The following CNTNAP2 variants were observed in gnomAD, a reference collection of about 807,000 sequenced individuals.
CNTNAP2 encodes contactin associated protein 2.
CNTNAP2 carries 98 observed loss-of-function variants against 155.2 expected under a neutral mutation model. The ratio of observed to expected loss-of-function variants is 0.63; its 90% confidence interval spans 0.54 to 0.75. The LOEUF (loss-of-function observed/expected upper bound fraction) is 0.75. CNTNAP2 is among the 30% of genes least tolerant of loss of function. CNTNAP2 has a pLI of 0.00. For missense variants in CNTNAP2, 1,727 were observed against 1,688.1 expected (o/e 1.02, Z -0.40); for synonymous variants, 651 against 631.2 (o/e 1.03, Z -0.47).
At chr7:146,809,744 T>G (rs775664463) in intron 2 of CNTNAP2, among the ~76,000 whole-genome samples, 1 of 152,210 alleles carries the variant, frequency 6.6e-6, no homozygotes. Flanking sequence ...TCCTTATATA[T>G]TCTAGACATT....
At chr7:147,858,498 T>C (rs1237515229) in intron 13 of CNTNAP2, among the ~76,000 whole-genome samples, 1 of 152,228 alleles carries the variant, frequency 6.6e-6, no homozygotes, top group African/African-American at 2.4e-5. Flanking sequence ...GTTATTGAGA[T>C]GTTGTTTAAT....
intron 13 of CNTNAP2, 41 bp from the exon 14 acceptor site, chr7:147,903,524 C>A (rs760055875): frequency 1.2e-5 from 20 of 1,611,942 alleles, no homozygotes; most frequent in Non-Finnish European, 1.6e-5. Context: ...AATGACTGAA[C>A]CCAGGTCTGT....
chr7:146,334,289 G>C (rs1346573777), intron 1 of CNTNAP2, among the ~76,000 whole-genome samples: 1 of 152,110 alleles, frequency 6.6e-6, no homozygotes, highest in Non-Finnish European at 1.5e-5. Flanking sequence ...AAATGAGCTG[G>C]GCGTGGTGGC....
chr7:146,907,158 C>A (rs1706092131), intron 3 of CNTNAP2, among the ~76,000 whole-genome samples: 1 of 152,034 alleles, frequency 6.6e-6, no homozygotes, highest in South Asian at 2.1e-4. Context: ...TGTGAAAAGA[C>A]CAAATCTACG....
chr7:148,159,487 T>C (rs532812532), intron 17 of CNTNAP2, among the ~76,000 whole-genome samples: 49 of 152,346 alleles, frequency 3.2e-4, no homozygotes, highest in African/African-American at 1.1e-3. Flanking sequence ...AGTAGTTCTC[T>C]GAATACTATG....
At chr7:147,479,393 G>C (rs1798381671) in intron 10 of CNTNAP2, among the ~76,000 whole-genome samples, 1 of 152,134 alleles carries the variant, frequency 6.6e-6, no homozygotes, top group Non-Finnish European at 1.5e-5. Context: ...CTCAGAGTTT[G>C]TTTTAGAGTG....
chr7:148,111,017 T>A (rs73168590), intron 15 of CNTNAP2, among the ~76,000 whole-genome samples: 15 of 152,322 alleles, frequency 9.8e-5, no homozygotes, highest in Non-Finnish European at 1.6e-4. Context: ...TCACAGATAC[T>A]GACATTCGGA....
intron 14 of CNTNAP2, among the ~76,000 whole-genome samples, chr7:147,939,271 A>C (rs1800671366): frequency 6.6e-6 from 1 of 152,168 alleles, no homozygotes; most frequent in South Asian, 2.1e-4. Flanking sequence ...TAAATCTATG[A>C]GGTAAGAAGA....
At chr7:147,601,657 A>G (rs1800948982) in intron 12 of CNTNAP2, among the ~76,000 whole-genome samples, 1 of 138,918 alleles carries the variant, frequency 7.2e-6, no homozygotes, top group African/African-American at 2.6e-5. Flanking sequence ...ATATATATAT[A>G]TATATATATA....
At position 146,884,719 on chromosome 7, in the gene CNTNAP2, C is replaced by A. The variant is rs145240715; in HGVS notation, c.402+44815C>A. On this transcript the variant is annotated intron_variant, in intron 3 of 23. Transcript: ENST00000361727. ...CTTCGAGGAGAAAGCCCATGTCTAA[C>A]TGGGGCCAAAATGCTGATGAGCAGG... 2.4e-4 allele frequency among the ~76,000 whole-genome samples: 36 copies of A among 152,158 alleles called. No homozygotes were observed. The East Asian group carries it at 6.8e-3, about 29-fold the overall frequency.
chr7:146,851,248 G>A (rs1794872352), intron 3 of CNTNAP2, among the ~76,000 whole-genome samples: 1 of 152,120 alleles, frequency 6.6e-6, no homozygotes, highest in South Asian at 2.1e-4. Flanking sequence ...GCCTCCCAGA[G>A]TGCTGGAATT....
At chr7:147,461,437 GCAAT>G (rs67541875) in intron 10 of CNTNAP2, among the ~76,000 whole-genome samples, 27,009 of 151,990 alleles carry the variant, frequency 0.18, 3,039 homozygotes, top group Non-Finnish European at 0.25. Context: ...TTTCTGAAGG[GCAAT>G]CAGACGATTT....
intron 1 of CNTNAP2, among the ~76,000 whole-genome samples, chr7:146,760,409 C>CTTTTTTTTTTTTTTTTTTTTCT (rs1802074714): frequency 1.8e-5 from 1 of 56,276 alleles, no homozygotes; most frequent in Non-Finnish European, 3.0e-5. Flanking sequence ...TCCAATTTAC[C>CTTTTTTTTTTTTTTTTTTTTCT]TTTTTTTTTT....
intron 1 of CNTNAP2, among the ~76,000 whole-genome samples, chr7:146,305,781 A>G (rs1800700314): frequency 6.6e-6 from 1 of 152,168 alleles, no homozygotes; most frequent in Non-Finnish European, 1.5e-5. Flanking sequence ...CTAAATGCCC[A>G]CAAGAGAAAG....
intron 12 of CNTNAP2, among the ~76,000 whole-genome samples, chr7:147,581,240 A>C (rs923987242): frequency 6.6e-6 from 1 of 152,210 alleles, no homozygotes; most frequent in Non-Finnish European, 1.5e-5. Flanking sequence ...CTAGAGGTAT[A>C]AGATACTGTA....
intron 8 of CNTNAP2, among the ~76,000 whole-genome samples, chr7:147,231,251 C>T (rs959906286): frequency 1.3e-5 from 2 of 152,206 alleles, no homozygotes; most frequent in Non-Finnish European, 2.9e-5. Context: ...CATGTTGTCA[C>T]ATATGGCAGT....
At chr7:148,212,105 C>T (rs561592364) in intron 18 of CNTNAP2, among the ~76,000 whole-genome samples, 371 of 151,374 alleles carry the variant, frequency 2.5e-3, no homozygotes, top group Middle Eastern at 3.5e-3. Flanking sequence ...GGAGTGAGTG[C>T]CAGCTGTTGT....
intron 3 of CNTNAP2, among the ~76,000 whole-genome samples, chr7:146,932,692 T>C (rs1396928516): frequency 2.0e-5 from 3 of 152,132 alleles, no homozygotes; most frequent in South Asian, 2.1e-4. Flanking sequence ...AAAACCCCAT[T>C]GTCTCAGCCC....
At chr7:147,948,529 C>A (rs1585043719) in intron 14 of CNTNAP2, among the ~76,000 whole-genome samples, 1 of 146,376 alleles carries the variant, frequency 6.8e-6, no homozygotes. Flanking sequence ...AAAAAAAAAG[C>A]CCCATTTTGC....
Sources: gnomAD v4.1 joint callset for allele counts (sites outside exome capture counted in the v4.1 genomes callset) on GRCh38, gnomAD v4.1.1 for gene constraint, MANE v1.5 for transcripts, NCBI Gene and HGNC (gene_info 2026-07-23, HGNC 2026-07-21) for gene names.